Variants in ROR1 observed in about 807,000 individuals in gnomAD.
ROR1 encodes the protein ROR family WNT receptor 1.
ROR1 carries 19 observed loss-of-function variants against 78.8 expected under a neutral mutation model. The observed-to-expected ratio is 0.24, with a 90% CI of 0.17 to 0.35. ROR1 has a LOEUF of 0.35. Ranked by LOEUF, ROR1 falls within the 10% of genes least tolerant of loss-of-function variation. The pLI is 1.00. For synonymous variants in ROR1, 386 were observed against 433.6 expected (o/e 0.89, Z 1.36); for missense variants, 917 against 1,177.8 (o/e 0.78, Z 3.24).
At chr1:63,978,929 G>A (rs537914198) in intron 1 of ROR1, among the ~76,000 whole-genome samples, 1 of 152,318 alleles carries the variant, frequency 6.6e-6, no homozygotes, top group South Asian at 2.1e-4. Flanking sequence ...AAGTCCAAAG[G>A]CTGTCAGGCC....
chr1:64,060,253 C>T (rs1479588129), intron 4 of ROR1, among the ~76,000 whole-genome samples: 1 of 152,246 alleles, frequency 6.6e-6, no homozygotes, highest in East Asian at 1.9e-4. Context: ...AGCACTGTAC[C>T]TGATGCATAT....
At chr1:64,142,283 C>T in intron 6 of ROR1, 122 bp from the exon 7 acceptor site, 4 of 1,465,226 alleles carry the variant, frequency 2.7e-6, no homozygotes, top group East Asian at 2.4e-5. Flanking sequence ...CCCTGACCAG[C>T]AGGGAAGCTG....
chr1:63,834,623 T>C (rs1336359038), intron 1 of ROR1, among the ~76,000 whole-genome samples: 1 of 152,218 alleles, frequency 6.6e-6, no homozygotes, highest in East Asian at 1.9e-4. Context: ...AAAATGGATT[T>C]TTCCAAAACC....
chr1:63,841,803 G>A (rs631476), intron 1 of ROR1, among the ~76,000 whole-genome samples: 28,086 of 152,138 alleles, frequency 0.18, 5,776 homozygotes, highest in African/African-American at 0.51. Context: ...GATGGTTTCT[G>A]TATGAAAGAG....
At chr1:64,056,072 A>G (rs1045992835) in intron 4 of ROR1, among the ~76,000 whole-genome samples, 10 of 151,868 alleles carry the variant, frequency 6.6e-5, no homozygotes, top group African/African-American at 2.4e-4. Flanking sequence ...TCGTTTATCC[A>G]TTTTTCTGTT....
chr1:64,157,757 C>G (rs191745018), intron 7 of ROR1, among the ~76,000 whole-genome samples: 22 of 152,252 alleles, frequency 1.4e-4, no homozygotes, highest in Non-Finnish European at 2.5e-4. Context: ...ATTTTCCTTA[C>G]CAGACGATGA....
At chr1:63,855,096 A>T (rs1645140250) in intron 1 of ROR1, among the ~76,000 whole-genome samples, 1 of 152,144 alleles carries the variant, frequency 6.6e-6, no homozygotes, top group Admixed American at 6.6e-5. Context: ...TATACTAATG[A>T]ACACTACTTT....
chr1:64,065,211 A>G (rs1168434892), intron 4 of ROR1, among the ~76,000 whole-genome samples: 2 of 152,138 alleles, frequency 1.3e-5, no homozygotes, highest in African/African-American at 2.4e-5. Flanking sequence ...CTAATAGACT[A>G]TTACTTCCCC....
chr1:64,012,146 T>C (rs796085881), intron 2 of ROR1, among the ~76,000 whole-genome samples: 14 of 152,342 alleles, frequency 9.2e-5, no homozygotes, highest in African/African-American at 2.4e-4. Context: ...AAAGAGTCCA[T>C]GATAATTTGA....
intron 1 of ROR1, among the ~76,000 whole-genome samples, chr1:63,856,932 C>T (rs890057399): frequency 1.3e-5 from 2 of 152,154 alleles, no homozygotes; most frequent in South Asian, 2.1e-4. Flanking sequence ...TAATTTAGTG[C>T]GGCACTCCTC....
intron 1 of ROR1, among the ~76,000 whole-genome samples, chr1:63,948,775 C>A (rs1168533863): frequency 6.6e-6 from 1 of 152,180 alleles, no homozygotes; most frequent in African/African-American, 2.4e-5. Flanking sequence ...CTCCCTTATT[C>A]TTTCTGCCAT....
intron 4 of ROR1, among the ~76,000 whole-genome samples, chr1:64,104,483 TC>T (rs1647706364): frequency 1.4e-5 from 2 of 147,722 alleles, no homozygotes; most frequent in South Asian, 4.2e-4. Context: ...GGTAATAAAT[TC>T]TTTTTTTTTT....
At chr1:63,846,861 C>T (rs558557752) in intron 1 of ROR1, among the ~76,000 whole-genome samples, 5 of 152,186 alleles carry the variant, frequency 3.3e-5, no homozygotes, top group Admixed American at 6.5e-5. Context: ...TGCGGCACAG[C>T]GCGTTACTGC....
intron 1 of ROR1, among the ~76,000 whole-genome samples, chr1:63,980,207 C>T (rs1386731768): frequency 6.6e-6 from 1 of 151,840 alleles, no homozygotes; most frequent in Non-Finnish European, 1.5e-5. Context: ...GGTACCTTAT[C>T]CATCTAACTC....
At chr1:64,123,771 A>G (rs922271101) in intron 4 of ROR1, among the ~76,000 whole-genome samples, 1 of 152,188 alleles carries the variant, frequency 6.6e-6, no homozygotes, top group Non-Finnish European at 1.5e-5. Flanking sequence ...TTCCCCATTG[A>G]TGGTAGAAAT....
At position 63,974,932 on chromosome 1, in the gene ROR1, C is replaced by T. The variant is rs149030158; in HGVS notation, c.92-34373C>T. 2.0e-5 allele frequency among the ~76,000 whole-genome samples: 3 copies of T among 152,340 alleles called. No homozygotes were observed. In the East Asian group the frequency reaches 5.8e-4, roughly 29 times the overall value. The stretch of plus-strand genomic sequence containing the variant: ...GCTATCGATGTGATCTCTGACAAGA[C>T]ATTTTGCCTCATTGTGCCTCAGTTT... On this transcript the variant is annotated intron_variant, in intron 1 of 8. Coordinates refer to ENST00000371079, the MANE Select transcript of ROR1 (RefSeq NM_005012.4).
chr1:64,014,827 C>G (rs1489994170), intron 2 of ROR1, among the ~76,000 whole-genome samples: 3 of 134,622 alleles, frequency 2.2e-5, no homozygotes, highest in Non-Finnish European at 4.7e-5. Context: ...CAGGTTGGAG[C>G]TTTAGCAGGG....
chr1:64,025,781 G>T (rs1170467509), intron 2 of ROR1, among the ~76,000 whole-genome samples: 1 of 152,112 alleles, frequency 6.6e-6, no homozygotes, highest in African/African-American at 2.4e-5. Context: ...ACTAAACCTT[G>T]TATGTTCTCA....
intron 7 of ROR1, among the ~76,000 whole-genome samples, chr1:64,146,712 C>A (rs12025819): frequency 0.17 from 25,447 of 152,084 alleles, 3,033 homozygotes; most frequent in East Asian, 0.51. Flanking sequence ...GTTTTCATTT[C>A]GATGCCCTTC....
Sources: gnomAD v4.1 joint callset for allele counts (sites outside exome capture counted in the v4.1 genomes callset) on GRCh38, gnomAD v4.1.1 for gene constraint, MANE v1.5 for transcripts, NCBI Gene and HGNC (gene_info 2026-07-23, HGNC 2026-07-21) for gene names.